GPC5: variants seen among roughly 807,000 people sequenced by gnomAD.
The protein encoded by GPC5 is glypican-5.
GPC5 carries 47 observed loss-of-function variants against 53.9 expected under a neutral mutation model. The ratio of observed to expected loss-of-function variants is 0.87; its 90% CI spans 0.69 to 1.11. The LOEUF (loss-of-function observed/expected upper bound fraction) is 1.11. Ranked by LOEUF, GPC5 falls within the 50% of genes most tolerant of loss-of-function variation. GPC5 has a pLI of 0.00. For missense variants in GPC5, 748 were observed against 713.1 expected (o/e 1.05, Z -0.56); for synonymous variants, 286 against 263.3 (o/e 1.09, Z -0.84).
At chr13:92,858,807 T>C (rs995637694) in intron 7 of GPC5, among the ~76,000 whole-genome samples, 1 of 152,162 alleles carries the variant, frequency 6.6e-6, no homozygotes, top group East Asian at 1.9e-4. Context: ...GAAACTAAGA[T>C]AAAAATGGAA....
Position 92,095,215 on chromosome 13 carries a change from G to T in GPC5, c.1402-49615G>T, listed in dbSNP as rs374394773. On this transcript the variant is annotated intron_variant, in intron 6 of 7. Coordinates refer to ENST00000377067, the MANE Select transcript of GPC5 (RefSeq NM_004466.6). Reference sequence around the variant, plus strand: ...CACAGAGCAGGAAAAATTGCTGAGGGACTCATATAAATTGGGCTTATTAAA... The same window carrying T: ...CACAGAGCAGGAAAAATTGCTGAGGTACTCATATAAATTGGGCTTATTAAA... Among the ~76,000 whole-genome samples, 124 of 152,220 alleles carry T rather than the reference G, an allele frequency of 8.1e-4. 2 individuals are homozygous for T. The South Asian group carries it at 0.025, about 31-fold the overall frequency.
intron 2 of GPC5, among the ~76,000 whole-genome samples, chr13:91,487,652 G>A (rs1333628603): frequency 6.6e-6 from 1 of 152,096 alleles, no homozygotes; most frequent in African/African-American, 2.4e-5. Flanking sequence ...AGCATTGAGT[G>A]TTTCATGGAC....
chr13:92,510,777 G>A (rs535426059), intron 7 of GPC5, among the ~76,000 whole-genome samples: 1 of 152,262 alleles, frequency 6.6e-6, no homozygotes, highest in Non-Finnish European at 1.5e-5. Context: ...AAATTCACTT[G>A]TCTTAATTTC....
intron 2 of GPC5, among the ~76,000 whole-genome samples, chr13:91,585,676 G>A (rs1021153567): frequency 1.3e-5 from 2 of 152,206 alleles, no homozygotes; most frequent in African/African-American, 2.4e-5. Flanking sequence ...AGTCTTCCAA[G>A]ATGCTGGTGA....
chr13:92,257,174 C>G (rs1023821983), intron 7 of GPC5, among the ~76,000 whole-genome samples: 2 of 152,068 alleles, frequency 1.3e-5, no homozygotes, highest in Admixed American at 1.3e-4. Flanking sequence ...AGAACCGAAT[C>G]AAAGTCAAAT....
intron 7 of GPC5, among the ~76,000 whole-genome samples, chr13:92,769,170 G>A (rs980222551): frequency 1.3e-5 from 2 of 152,128 alleles, no homozygotes; most frequent in Non-Finnish European, 2.9e-5. Flanking sequence ...TGTATTAATT[G>A]CTACTTTTTG....
intron 2 of GPC5, among the ~76,000 whole-genome samples, chr13:91,644,043 C>T (rs2034499957): frequency 6.6e-6 from 1 of 150,704 alleles, no homozygotes; most frequent in African/African-American, 2.4e-5. Flanking sequence ...TGGGGATACA[C>T]TTCAACCCAT....
intron 2 of GPC5, among the ~76,000 whole-genome samples, chr13:91,469,869 G>A (rs573349707): frequency 2.6e-5 from 4 of 152,096 alleles, no homozygotes; most frequent in South Asian, 4.1e-4. Context: ...ATGAAACCAC[G>A]TCTCTACTAA....
At chr13:92,758,045 T>A (rs1151468) in intron 7 of GPC5, among the ~76,000 whole-genome samples, 1 of 149,330 alleles carries the variant, frequency 6.7e-6, no homozygotes, top group Non-Finnish European at 1.5e-5. Context: ...ATGTTTATTG[T>A]GGCACTATTC....
intron 6 of GPC5, among the ~76,000 whole-genome samples, chr13:92,105,012 ATTG>A (rs1436101183): frequency 6.6e-6 from 1 of 152,010 alleles, no homozygotes; most frequent in Non-Finnish European, 1.5e-5. Flanking sequence ...AGACCTCATG[ATTG>A]TTAAGGTATA....
intron 6 of GPC5, among the ~76,000 whole-genome samples, chr13:92,106,572 T>C (rs1287205764): frequency 2.0e-5 from 3 of 152,012 alleles, no homozygotes; most frequent in Non-Finnish European, 4.4e-5. Flanking sequence ...AAGTACCTTA[T>C]AGGCTGAGGA....
intron 1 of GPC5, among the ~76,000 whole-genome samples, chr13:91,400,262 G>A (rs1313422685): frequency 6.6e-6 from 1 of 152,182 alleles, no homozygotes; most frequent in Non-Finnish European, 1.5e-5. Context: ...CTTGCTTGTA[G>A]CAATGAGGAA....
At chr13:91,408,275 C>T (rs904413607) in intron 1 of GPC5, among the ~76,000 whole-genome samples, 4 of 152,146 alleles carry the variant, frequency 2.6e-5, no homozygotes, top group Admixed American at 2.6e-4. Context: ...ATGAGATCAA[C>T]CTTTTTAGAT....
At position 92,214,716 on chromosome 13, in the gene GPC5, T is replaced by C. The variant is rs181904838; in HGVS notation, c.1561+69727T>C. Among the ~76,000 whole-genome samples the C allele has an allele frequency of 4.6e-5, 7 of 152,290 alleles. No individual in the cohort carries two copies. The East Asian group carries it at 1.4e-3, about 29-fold the overall frequency. On this transcript the variant is annotated intron_variant, in intron 7 of 7. Transcript: ENST00000377067. ...CTTAATCCCTGGAAATCTGTGACTA[T>C]GTTAGGTTGTACAGCAAAGGAAATT...
chr13:91,848,385 T>G (rs2038875556), intron 5 of GPC5, among the ~76,000 whole-genome samples: 1 of 152,218 alleles, frequency 6.6e-6, no homozygotes, highest in African/African-American at 2.4e-5. Context: ...ATTTAAAATG[T>G]AAGTCGGCTT....
At chr13:91,718,268 G>A (rs1337658289) in intron 3 of GPC5, among the ~76,000 whole-genome samples, 4 of 151,942 alleles carry the variant, frequency 2.6e-5, no homozygotes, top group East Asian at 2.0e-4. Flanking sequence ...CTGCCACCAC[G>A]CGTGGCTAAT....
intron 2 of GPC5, among the ~76,000 whole-genome samples, chr13:91,502,001 G>A (rs1225074810): frequency 6.6e-6 from 1 of 152,242 alleles, no homozygotes; most frequent in Non-Finnish European, 1.5e-5. Flanking sequence ...GGCCAGTGGT[G>A]ATGAGCATTT....
At chr13:92,039,605 C>A (rs1280241272) in intron 6 of GPC5, among the ~76,000 whole-genome samples, 6 of 152,180 alleles carry the variant, frequency 3.9e-5, no homozygotes, top group Non-Finnish European at 7.4e-5. Context: ...AACAAACTAC[C>A]ACAGGCAGGG....
At chr13:91,519,051 C>T (rs1461626107) in intron 2 of GPC5, among the ~76,000 whole-genome samples, 3 of 152,088 alleles carry the variant, frequency 2.0e-5, no homozygotes, top group South Asian at 2.1e-4. Flanking sequence ...AATTCATTAA[C>T]GTTCATAATG....
Sources: allele counts gnomAD v4.1 joint callset (sites outside exome capture counted in the v4.1 genomes callset), GRCh38; gene constraint gnomAD v4.1.1; transcripts MANE v1.5; gene names NCBI Gene and HGNC (gene_info 2026-07-23, HGNC 2026-07-21).